WWOX: variants seen among roughly 807,000 people sequenced by gnomAD.
The protein encoded by WWOX is WW domain containing oxidoreductase, also known as WW domain-containing oxidoreductase.
WWOX carries 69 observed loss-of-function variants against 46.2 expected under a neutral mutation model. The ratio of observed to expected loss-of-function variants is 1.49; its 90% CI spans 1.23 to 1.82. WWOX has a LOEUF of 1.82. Among genes scored for constraint, WWOX ranks in the 40% most tolerant of loss-of-function variants. WWOX has a pLI of 0.00. For missense variants in WWOX, 919 were observed against 542.6 expected (o/e 1.69, Z -6.89); for synonymous variants, 359 against 202.6 (o/e 1.77, Z -6.56).
chr16:78,607,643 T>TC (rs1217935519), intron 8 of WWOX, among the ~76,000 whole-genome samples: 18 of 114,336 alleles, frequency 1.6e-4, no homozygotes, highest in Non-Finnish European at 2.9e-4. Flanking sequence ...CATTTGTTCT[T>TC]CTTTTTTTTT....
chr16:78,299,024 G>A (rs1187434223), intron 5 of WWOX, among the ~76,000 whole-genome samples: 3 of 152,162 alleles, frequency 2.0e-5, no homozygotes, highest in Admixed American at 2.0e-4. Flanking sequence ...CTGGGTTGCA[G>A]CCAGCATTCT....
intron 5 of WWOX, among the ~76,000 whole-genome samples, chr16:78,312,584 A>G (rs1278967985): frequency 2.0e-5 from 3 of 152,088 alleles, no homozygotes; most frequent in South Asian, 4.2e-4. Flanking sequence ...CACGTTGGCT[A>G]GGCTGGTGTC....
At position 78,489,783 on chromosome 16, in the gene WWOX, C is replaced by A. The variant is rs928687499; in HGVS notation, c.1056+57031C>A. Among the ~76,000 whole-genome samples, 8 of 152,140 alleles carry A rather than the reference C, an allele frequency of 5.3e-5. 1 individual carries two copies. Among genetic ancestry groups the A allele is most frequent in the African/African-American group, 1.9e-4 (8 of 41,438 alleles). ...TTTGGAAACCCTCCTAACATGTCAT[C>A]TGAAATCTGGGACCACAGTTCCGGC... On this transcript the variant is annotated intron_variant, in intron 8 of 8. Coordinates refer to ENST00000566780, the MANE Select transcript of WWOX (RefSeq NM_016373.4).
intron 8 of WWOX, among the ~76,000 whole-genome samples, chr16:78,907,289 G>A (rs1310778692): frequency 1.3e-5 from 2 of 152,150 alleles, no homozygotes; most frequent in African/African-American, 2.4e-5. Context: ...CCTCAAAAAT[G>A]CAAAAGCCGG....
intron 8 of WWOX, among the ~76,000 whole-genome samples, chr16:78,476,038 A>G (rs2084341383): frequency 6.6e-6 from 1 of 152,176 alleles, no homozygotes; most frequent in Non-Finnish European, 1.5e-5. Context: ...CTTCCTCTGT[A>G]AAATGATCAC....
rs546748044 is a variant in WWOX, at chr16:78,338,982, T to C, written c.517-47878T>C. ...TGGTCTTTATATATGTAGCTTTAAG[T>C]AATTGCATGTAAACTGTTACTTCTT... On this transcript the variant is annotated intron_variant, in intron 5 of 8. Transcript: ENST00000566780. 7.4e-5 allele frequency among the ~76,000 whole-genome samples: 9 copies of C among 120,986 alleles called. No homozygotes were observed. The East Asian group carries it at 1.7e-3, about 23-fold the overall frequency. 79.4% of individuals were successfully genotyped at this position (120,986 alleles called of 152,430 possible).
intron 8 of WWOX, among the ~76,000 whole-genome samples, chr16:78,585,028 A>G (rs1043079481): frequency 7.9e-5 from 12 of 152,198 alleles, no homozygotes; most frequent in East Asian, 1.9e-4. Flanking sequence ...CTAATTCCCT[A>G]TTCAGCTGAG....
chr16:78,388,799 G>C (rs769837271), intron 6 of WWOX, among the ~76,000 whole-genome samples: 13 of 151,112 alleles, frequency 8.6e-5, no homozygotes. Context: ...GTAAAACCCC[G>C]TCTCTACTAA....
At chr16:79,149,729 C>T (rs370368932) in intron 8 of WWOX, among the ~76,000 whole-genome samples, 4 of 152,196 alleles carry the variant, frequency 2.6e-5, no homozygotes, top group Non-Finnish European at 5.9e-5. Context: ...CATTTAGGAC[C>T]GCAGCCAGTG....
intron 8 of WWOX, among the ~76,000 whole-genome samples, chr16:79,094,148 A>G (rs11865264): frequency 0.032 from 4,835 of 152,004 alleles, 117 homozygotes; most frequent in African/African-American, 0.067. Context: ...TTTACAAACA[A>G]CTGTGCATGT....
rs868619908 is a variant in WWOX at position 78,211,960 on chromosome 16, G to A, written c.516+47671G>A. ...GGAGATAATGCATGTTAACATCCTG[G>A]TAGCTCTATTTATTTGCTACCATGG... On this transcript the variant is annotated intron_variant, in intron 5 of 8. Transcript: ENST00000566780. Among the ~76,000 whole-genome samples, 6 of 152,322 alleles carry A rather than the reference G, an allele frequency of 3.9e-5. No individual in the cohort carries two copies. The South Asian group carries it at 1.2e-3, about 32-fold the overall frequency.
intron 5 of WWOX, among the ~76,000 whole-genome samples, chr16:78,326,245 A>C (rs968624872): frequency 6.6e-6 from 1 of 152,232 alleles, no homozygotes; most frequent in South Asian, 2.1e-4. Flanking sequence ...AAAGGGCAAA[A>C]CACAACGGTT....
At chr16:78,547,087 C>T (rs189735317) in intron 8 of WWOX, among the ~76,000 whole-genome samples, 9 of 138,684 alleles carry the variant, frequency 6.5e-5, no homozygotes. Context: ...AAGATCATGC[C>T]ACTGCACTCC....
chr16:78,156,164 G>A (rs547804931), intron 4 of WWOX, among the ~76,000 whole-genome samples: 38 of 152,322 alleles, frequency 2.5e-4, no homozygotes, highest in Middle Eastern at 3.4e-3. Flanking sequence ...CTACAGTCAG[G>A]AATTCTCTAA....
intron 8 of WWOX, among the ~76,000 whole-genome samples, chr16:78,480,321 T>C (rs1403743629): frequency 1.3e-5 from 2 of 152,224 alleles, no homozygotes; most frequent in African/African-American, 4.8e-5. Context: ...CCCCAAAGTG[T>C]GAAGGATGAA....
At chr16:78,389,012 G>A (rs1399458976) in intron 6 of WWOX, among the ~76,000 whole-genome samples, 1 of 151,750 alleles carries the variant, frequency 6.6e-6, no homozygotes, top group Admixed American at 6.6e-5. Context: ...GCTGGAGTAT[G>A]TCAGTGTCCC....
chr16:78,894,071 C>A (rs1000834175), intron 8 of WWOX, among the ~76,000 whole-genome samples: 4 of 94,266 alleles, frequency 4.2e-5, no homozygotes, highest in Non-Finnish European at 1.0e-4. Flanking sequence ...CAGGGTCTTG[C>A]TTTCTTGCCC....
At chr16:78,116,899 C>G (rs2032823548) in intron 4 of WWOX, among the ~76,000 whole-genome samples, 1 of 152,170 alleles carries the variant, frequency 6.6e-6, no homozygotes, top group Non-Finnish European at 1.5e-5. Context: ...TCGAACTGCT[C>G]CATGTGACAT....
chr16:78,385,244 G>T lies in WWOX; in HGVS notation c.517-1616G>T, dbSNP rs192767839. ...TAATCTGGTCTGATGTGGCCTTCAG[G>T]GAGGATCTTTGGACATCATTGCCAT... On this transcript the variant is annotated intron_variant, in intron 5 of 8. Coordinates refer to ENST00000566780, the MANE Select transcript of WWOX (RefSeq NM_016373.4). Among the ~76,000 whole-genome samples, 328 of 152,012 alleles carry T rather than the reference G, an allele frequency of 2.2e-3. 1 individual carries two copies. Among genetic ancestry groups the T allele is most frequent in the Non-Finnish European group, 4.0e-3 (275 of 67,990 alleles).
Sources: gnomAD v4.1 joint callset for allele counts (sites outside exome capture counted in the v4.1 genomes callset) on GRCh38, gnomAD v4.1.1 for gene constraint, MANE v1.5 for transcripts, NCBI Gene and HGNC (gene_info 2026-07-23, HGNC 2026-07-21) for gene names.